ARMH4: variants seen among roughly 807,000 people sequenced by gnomAD.
ARMH4 encodes armadillo-like helical domain-containing protein 4.
In ARMH4, 49 loss-of-function variants were observed where a neutral mutation model predicts 61.9. The observed-to-expected ratio is 0.79, with a 90% confidence interval of 0.63 to 1.00. The LOEUF is 1.00. ARMH4 is among the 50% of genes least tolerant of loss of function. ARMH4 has a pLI of 0.00. For synonymous variants in ARMH4, 368 were observed against 341.5 expected, an observed-to-expected ratio of 1.08 and a Z score of -0.85; for missense variants, 934 against 930.0, an observed-to-expected ratio of 1.00 and a Z score of -0.06.
At position 58,004,776 on chromosome 14, in the gene ARMH4, C is replaced by G. The variant is rs759355933; in HGVS notation, c.2285G>C (p.Arg762Pro). The G allele has an allele frequency of 1.5e-5, 24 of 1,611,496 alleles. No individual in the cohort carries two copies. The highest frequency in any genetic ancestry group is 2.0e-5 in the Non-Finnish European group (24 of 1,177,914). ...KQREFNSMQDRVMLLADSSED... is the reference protein window; with the variant it reads ...KQREFNSMQDPVMLLADSSED... ...AGAGCTGTCGGCTAAGAGCATTACT[C>G]GATCTTGCATGCTGTTGAATTCTCT... The change falls in exon 8 of 8, where the codon CGA (arginine) becomes CCA (proline). Residue 762 changes from arginine to proline, a missense_variant. Arg to Pro is a moderately radical substitution (Grantham distance 103, BLOSUM62 -2). Coordinates refer to ENST00000267485, the MANE Select transcript of ARMH4 (RefSeq NM_001001872.4).
At chr14:58,040,214 T>C (rs932228679) in intron 5 of ARMH4, among the ~76,000 whole-genome samples, 3 of 152,112 alleles carry the variant, frequency 2.0e-5, no homozygotes, top group African/African-American at 7.2e-5. Flanking sequence ...AGGTTTGTTA[T>C]ATAGGTAAAC....
chr14:58,109,161 T>C (rs567772961), intron 4 of ARMH4, among the ~76,000 whole-genome samples: 1 of 152,364 alleles, frequency 6.6e-6, no homozygotes, highest in African/African-American at 2.4e-5. Flanking sequence ...AGTTTTAATA[T>C]CACTGAATTT....
At chr14:58,011,180 A>G (rs372566948) in intron 6 of ARMH4, among the ~76,000 whole-genome samples, 11 of 152,312 alleles carry the variant, frequency 7.2e-5, no homozygotes, top group African/African-American at 2.6e-4. Flanking sequence ...TCATTCTCAA[A>G]AACTATCTGT....
intron 5 of ARMH4, among the ~76,000 whole-genome samples, chr14:58,094,747 A>T (rs1015813600): frequency 3.3e-5 from 5 of 152,240 alleles, no homozygotes; most frequent in African/African-American, 1.2e-4. Flanking sequence ...ACTAATCTAT[A>T]GTGACCAAAG....
chr14:58,002,236 A>C lies in ARMH4; in HGVS notation c.*2500T>G, dbSNP rs1882009311. On this transcript the variant is annotated 3_prime_UTR_variant, in exon 8 of 8. Transcript: ENST00000267485. Reference sequence around the variant, plus strand: ...TAATCTAAGCCAACCACTGAAAATCATTATTCCACAGCCACCAGCAGCAAG... The same window carrying C: ...TAATCTAAGCCAACCACTGAAAATCCTTATTCCACAGCCACCAGCAGCAAG... The C allele has an allele frequency of 1.3e-5, 2 of 152,194 alleles. No individual in the cohort carries two copies. Among genetic ancestry groups the C allele is most frequent in the Admixed American group, 6.5e-5 (1 of 15,276 alleles). 9.4% of individuals were successfully genotyped at this position (152,194 alleles called of 1,614,324 possible). A position where few individuals can be genotyped will look rare whatever the true frequency, so the allele number is the denominator to read the frequency against.
Position 58,139,138 on chromosome 14 carries a change from G to A in ARMH4, c.221C>T (p.Pro74Leu). 7 of 1,614,182 alleles carry A rather than the reference G, an allele frequency of 4.3e-6. No homozygotes were observed. Among genetic ancestry groups the A allele is most frequent in the Admixed American group, 3.3e-5 (2 of 60,028 alleles). Residue 74 changes from proline to leucine, a missense_variant, in exon 2 of 8, where the codon CCA becomes CTA. By Grantham distance (98) the Pro-to-Leu change is moderately conservative. Coordinates refer to ENST00000267485, the MANE Select transcript of ARMH4 (RefSeq NM_001001872.4). ...CGATGGTACTGCTGACATCATCATT[G>A]GATCTTCAGAGACCACCAGTTGGGG... Reference protein sequence around the residue: ...QTPQLVVSEDPMMMSAVPSAT... With the variant: ...QTPQLVVSEDLMMMSAVPSAT...
chr14:58,095,111 G>A (rs1022630945), intron 5 of ARMH4, among the ~76,000 whole-genome samples: 1 of 152,126 alleles, frequency 6.6e-6, no homozygotes, highest in African/African-American at 2.4e-5. Context: ...AAGATGGTAA[G>A]TCCACTTCAT....
chr14:58,040,978 G>A (rs1414784217), intron 5 of ARMH4, among the ~76,000 whole-genome samples: 1 of 152,148 alleles, frequency 6.6e-6, no homozygotes, highest in Non-Finnish European at 1.5e-5. Flanking sequence ...ACATGGTCAG[G>A]GGGCGGTTCC....
chr14:58,023,429 A>G (rs1038577127), intron 5 of ARMH4, among the ~76,000 whole-genome samples: 1 of 152,234 alleles, frequency 6.6e-6, no homozygotes, highest in Admixed American at 6.5e-5. Flanking sequence ...AAGTCTTATC[A>G]TGAGACTGCA....
Position 58,139,264 on chromosome 14 carries a change from T to C in ARMH4, c.95A>G (p.Glu32Gly). The C allele has an allele frequency of 6.2e-7, 1 of 1,614,120 alleles. No homozygotes were observed. Among genetic ancestry groups the C allele is most frequent in the South Asian group, 1.1e-5 (1 of 91,076 alleles). ...ATQCLAFPKI[E>G]RRREIAHVHA... ...AACATGTGCTATCTCCCTCCTCCTT[T>C]CTATTTTGGGGAAGGCCAGACATTG... The change falls in exon 2 of 8, where the codon GAA becomes GGA. Residue 32 changes from glutamate to glycine, a missense_variant. By Grantham distance (98) the Glu-to-Gly change is moderately conservative. Transcript: ENST00000267485.
At chr14:58,107,676 A>G (rs1700830544) in intron 4 of ARMH4, among the ~76,000 whole-genome samples, 1 of 151,344 alleles carries the variant, frequency 6.6e-6, no homozygotes, top group Non-Finnish European at 1.5e-5. Context: ...ATGCAGGAGA[A>G]TCGCTTGAAC....
At chr14:58,067,463 A>T (rs1330829677) in intron 5 of ARMH4, among the ~76,000 whole-genome samples, 1 of 152,172 alleles carries the variant, frequency 6.6e-6, no homozygotes, top group African/African-American at 2.4e-5. Context: ...GACTGGTGAA[A>T]GAAGTGGGGA....
intron 5 of ARMH4, among the ~76,000 whole-genome samples, chr14:58,094,567 G>A (rs1885685470): frequency 6.6e-6 from 1 of 152,188 alleles, no homozygotes; most frequent in African/African-American, 2.4e-5. Flanking sequence ...GGATGTGTAT[G>A]TGAGTGTGTG....
At chr14:58,066,115 T>C (rs1281396276) in intron 5 of ARMH4, among the ~76,000 whole-genome samples, 2 of 152,332 alleles carry the variant, frequency 1.3e-5, no homozygotes, top group Non-Finnish European at 2.9e-5. Flanking sequence ...ATGTTAGTAG[T>C]CTTGATCATT....
intron 6 of ARMH4, among the ~76,000 whole-genome samples, chr14:58,011,015 C>CT (rs1164671777): frequency 1.3e-5 from 2 of 152,048 alleles, no homozygotes; most frequent in Admixed American, 1.3e-4. Context: ...AACTTTTGAG[C>CT]TTTTCTTCCC....
chr14:58,133,808 T>G (rs1353306150), intron 2 of ARMH4, among the ~76,000 whole-genome samples: 4 of 152,202 alleles, frequency 2.6e-5, no homozygotes, highest in Non-Finnish European at 5.9e-5. Flanking sequence ...TAACTAATAT[T>G]TACTGAGTTT....
At chr14:58,020,841 G>A (rs1208977147) in intron 5 of ARMH4, among the ~76,000 whole-genome samples, 1 of 152,170 alleles carries the variant, frequency 6.6e-6, no homozygotes, top group Non-Finnish European at 1.5e-5. Context: ...GTTGGCTCAT[G>A]TGATAATGAA....
intron 5 of ARMH4, among the ~76,000 whole-genome samples, chr14:58,013,968 G>T (rs1882507288): frequency 6.6e-6 from 1 of 152,024 alleles, no homozygotes; most frequent in Admixed American, 6.6e-5. Context: ...AGGTTGCAGT[G>T]AGCCAAGGGC....
intron 5 of ARMH4, among the ~76,000 whole-genome samples, chr14:58,072,386 A>C (rs1447032657): frequency 6.6e-6 from 1 of 152,196 alleles, no homozygotes; most frequent in Non-Finnish European, 1.5e-5. Context: ...TGTAATAGCT[A>C]CTTTCAATTG....
Sources: allele counts gnomAD v4.1 joint callset (sites outside exome capture counted in the v4.1 genomes callset), GRCh38; gene constraint gnomAD v4.1.1; transcripts MANE v1.5; gene names NCBI Gene and HGNC (gene_info 2026-07-23, HGNC 2026-07-21).